Variants in MAP2K6 observed in about 807,000 individuals in gnomAD.
The protein encoded by MAP2K6 is mitogen-activated protein kinase kinase 6.
A neutral mutation model predicts 53.7 loss-of-function variants in MAP2K6; 16 were observed. That is an observed-to-expected ratio of 0.30 (90% CI 0.20 to 0.45). The LOEUF (loss-of-function observed/expected upper bound fraction) is 0.45. MAP2K6 is among the 20% of genes least tolerant of loss of function. The probability of loss-of-function intolerance (pLI) is 1.00; values close to 1 mark genes in which losing one functional copy is unlikely to be tolerated. For synonymous variants in MAP2K6, 132 were observed against 143.1 expected, an observed-to-expected ratio of 0.92 and a Z score of 0.55; for missense variants, 204 against 411.9, an observed-to-expected ratio of 0.50 and a Z score of 4.37.
At chr17:69,516,979 T>C (rs1910184679) in intron 3 of MAP2K6, 76 bp downstream of exon 3, 1 of 1,185,298 alleles carries the variant, frequency 8.4e-7, no homozygotes, top group Non-Finnish European at 1.2e-6. Context: ...AAATTTATTT[T>C]CCCTAGCATG....
In MAP2K6 at chr17:69,541,739, A is replaced by C; in HGVS notation, c.991A>C (p.Ile331Leu). 1 of 1,612,378 alleles carries C rather than the reference A, an allele frequency of 6.2e-7. No homozygotes were observed. Among genetic ancestry groups the C allele is most frequent in the Non-Finnish European group, 8.5e-7 (1 of 1,178,828 alleles). Residue 331 changes from isoleucine to leucine, a missense_variant, in exon 12 of 12, where the codon ATT becomes CTT. Coordinates refer to ENST00000590474, the MANE Select transcript of MAP2K6 (RefSeq NM_002758.4). Reference sequence around the variant, plus strand: ...AGATGTGGCATCTTTTGTAAAACTGATTCTTGGAGACTAAAAAGCAGTGGA... The same window carrying C: ...AGATGTGGCATCTTTTGTAAAACTGCTTCTTGGAGACTAAAAAGCAGTGGA... Reference protein sequence around the residue: ...GTDVASFVKLILGD With the variant: ...GTDVASFVKLLLGD
In MAP2K6 at chr17:69,546,114, G is replaced by C. The variant is rs1911867959; in HGVS notation, c.*4361G>C. 6.6e-6 allele frequency: 1 copy of C among 152,064 alleles called. No homozygotes were observed. The highest frequency in any genetic ancestry group is 1.5e-5 in the Non-Finnish European group (1 of 68,042). The allele number at this position is 152,064 out of a possible 1,614,324, so 9.4% of individuals were successfully genotyped here. A position where few individuals can be genotyped will look rare whatever the true frequency, so the allele number is the denominator to read the frequency against. On this transcript the variant is annotated 3_prime_UTR_variant, in exon 12 of 12. Coordinates refer to ENST00000590474, the MANE Select transcript of MAP2K6 (RefSeq NM_002758.4). ...CTCAGTACATAATTTGGGGACCACA[G>C]ATATCTATTATGCCAATGTTTGCAC...
chr17:69,506,456 A>G (rs545837640), intron 2 of MAP2K6, among the ~76,000 whole-genome samples: 117 of 149,404 alleles, frequency 7.8e-4, no homozygotes, highest in African/African-American at 2.7e-3. Context: ...GTGTGGTGGG[A>G]ACGGTACTTC....
Position 69,489,800 on chromosome 17 carries a change from T to C in MAP2K6, c.17-15980T>C, listed in dbSNP as rs138400943. ...CAATTTCTTTGTCTTTGCTTTTTAATTGGGCATCACGAACCCTTAGCCAGA... is the reference window on the plus strand; with the variant it reads ...CAATTTCTTTGTCTTTGCTTTTTAACTGGGCATCACGAACCCTTAGCCAGA... On this transcript the variant is annotated intron_variant, in intron 1 of 11. Coordinates refer to ENST00000590474, the MANE Select transcript of MAP2K6 (RefSeq NM_002758.4). Among the ~76,000 whole-genome samples, 496 of 152,352 alleles carry C rather than the reference T, an allele frequency of 3.3e-3. 3 individuals carry two copies. The highest frequency in any genetic ancestry group is 0.011 in the African/African-American group (473 of 41,586).
In MAP2K6 at chr17:69,463,670, G is replaced by GTA. The variant is rs1161406017; in HGVS notation, c.17-42105_17-42104dup. Among the ~76,000 whole-genome samples, 187 of 149,912 alleles carry GTA rather than the reference G, an allele frequency of 1.2e-3. 1 individual carries two copies. Among genetic ancestry groups the GTA allele is most frequent in the Admixed American group, 1.8e-3 (27 of 14,974 alleles). On this transcript the variant is annotated intron_variant, in intron 1 of 11. Transcript: ENST00000590474. ...TATACATACATACACATACATATATGTATATACACACACACACACATATAT... is the reference window on the plus strand; with the variant it reads ...TATACATACATACACATACATATATGTATATATACACACACACACACATATAT...
chr17:69,516,075 G>C (rs1004175467), intron 2 of MAP2K6, among the ~76,000 whole-genome samples: 1 of 152,014 alleles, frequency 6.6e-6, no homozygotes, highest in African/African-American at 2.4e-5. Context: ...TGAACTGGGT[G>C]GGGGGATGAT....
At chr17:69,527,344 C>A (rs923078668) in intron 10 of MAP2K6, among the ~76,000 whole-genome samples, 21 of 152,080 alleles carry the variant, frequency 1.4e-4, no homozygotes, top group Non-Finnish European at 2.9e-4. Flanking sequence ...GAAACTTGCC[C>A]ACCATAAGAG....
chr17:69,447,603 C>A (rs755181471), intron 1 of MAP2K6, among the ~76,000 whole-genome samples: 2 of 152,158 alleles, frequency 1.3e-5, no homozygotes, highest in African/African-American at 2.4e-5. Flanking sequence ...ATCTTGGCCT[C>A]CCAAAGTGCT....
At chr17:69,455,543 C>G (rs998624993) in intron 1 of MAP2K6, among the ~76,000 whole-genome samples, 1 of 152,150 alleles carries the variant, frequency 6.6e-6, no homozygotes, top group African/African-American at 2.4e-5. Flanking sequence ...AGGTTTCGAA[C>G]CTGGAGCCCA....
intron 10 of MAP2K6, among the ~76,000 whole-genome samples, chr17:69,527,788 T>C (rs1910851804): frequency 6.6e-6 from 1 of 152,132 alleles, no homozygotes. Context: ...TGAAGGAACA[T>C]CTTCCCCGTG....
chr17:69,532,409 C>G (rs1196253133), intron 10 of MAP2K6, among the ~76,000 whole-genome samples: 1 of 152,184 alleles, frequency 6.6e-6, no homozygotes, highest in Non-Finnish European at 1.5e-5. Flanking sequence ...TTAGTGTCAG[C>G]TATGGTCAGA....
Position 69,414,784 on chromosome 17 carries a change from A to T in MAP2K6, c.-201A>T. On this transcript the variant is annotated 5_prime_UTR_variant, in exon 1 of 12. Transcript: ENST00000590474. ...TCCCTAACGTTGCAACTGGGGGAAA[A>T]ATCACTTTCCAGTCTGTTTTGCAAG... 1.9e-6 allele frequency: 1 copy of T among 536,744 alleles called. No individual in the cohort carries two copies. Among genetic ancestry groups the T allele is most frequent in the Non-Finnish European group, 3.3e-6 (1 of 299,882 alleles). The allele number at this position is 536,744 out of a possible 1,614,324, so 33.2% of individuals were successfully genotyped here.
At chr17:69,459,402 C>T (rs181578582) in intron 1 of MAP2K6, among the ~76,000 whole-genome samples, 118 of 151,972 alleles carry the variant, frequency 7.8e-4, no homozygotes, top group African/African-American at 2.7e-3. Flanking sequence ...AAGAGAAGAA[C>T]TTAGATTAAA....
chr17:69,544,338 A>G lies in MAP2K6; in HGVS notation c.*2585A>G, dbSNP rs1911790950. ...GGTAAAGTCAAAAGAATGACCTGAT[A>G]GCCTCACAAGACTAAATTTTAGAGC... On this transcript the variant is annotated 3_prime_UTR_variant, in exon 12 of 12. Transcript: ENST00000590474. 6.6e-6 allele frequency: 1 copy of G among 152,244 alleles called. No individual in the cohort carries two copies. The highest frequency in any genetic ancestry group is 2.1e-4 in the South Asian group (1 of 4,832). 9.4% of individuals were successfully genotyped at this position (152,244 alleles called of 1,614,324 possible).
intron 1 of MAP2K6, among the ~76,000 whole-genome samples, chr17:69,485,781 C>T (rs1370124774): frequency 6.6e-6 from 1 of 152,206 alleles, no homozygotes; most frequent in East Asian, 1.9e-4. Context: ...ACTGCTTCAT[C>T]ATTTCTGTGT....
chr17:69,486,984 A>C (rs1908563699), intron 1 of MAP2K6, among the ~76,000 whole-genome samples: 1 of 152,154 alleles, frequency 6.6e-6, no homozygotes. Context: ...AGGTCGTGGC[A>C]ATTTAGTTTT....
At chr17:69,519,525 T>G in intron 5 of MAP2K6, 93 bp downstream of exon 5, 12 of 1,495,746 alleles carry the variant, frequency 8.0e-6, no homozygotes, top group Non-Finnish European at 1.1e-5. Flanking sequence ...CATGGAGCTC[T>G]TTCTTGTTTG....
chr17:69,452,225 G>A (rs1907255212), intron 1 of MAP2K6, among the ~76,000 whole-genome samples: 1 of 151,206 alleles, frequency 6.6e-6, no homozygotes, highest in East Asian at 1.9e-4. Context: ...TGTACAGGCC[G>A]GGGATGCTGC....
chr17:69,475,232 G>A (rs1174809669), intron 1 of MAP2K6, among the ~76,000 whole-genome samples: 1 of 146,268 alleles, frequency 6.8e-6, no homozygotes, highest in Non-Finnish European at 1.5e-5. Flanking sequence ...GCGGTGGCGC[G>A]ATCTCGGCTC....
Sources: gnomAD v4.1 joint callset for allele counts (sites outside exome capture counted in the v4.1 genomes callset) on GRCh38, gnomAD v4.1.1 for gene constraint, MANE v1.5 for transcripts, NCBI Gene and HGNC (gene_info 2026-07-23, HGNC 2026-07-21) for gene names.